CHLSN: variants seen among roughly 807,000 people sequenced by gnomAD.
The protein encoded by CHLSN is protein cholesin.
At chr7:1,064,318 G>A in the CHLSN span, among the ~76,000 whole-genome samples, 2 of 152,136 alleles carry the variant, frequency 1.3e-5, no homozygotes, top group African/African-American at 2.4e-5. Context: ...CCGGAAAGAC[G>A]CACGATGGCT....
the CHLSN span, among the ~76,000 whole-genome samples, chr7:1,062,204 G>A: frequency 3.9e-5 from 6 of 152,218 alleles, no homozygotes; most frequent in Admixed American, 3.3e-4. Context: ...TTTAGTTGTA[G>A]ATTCACTTCA....
the CHLSN span, chr7:1,087,012 G>C: frequency 6.6e-6 from 1 of 152,256 alleles, no homozygotes; most frequent in Admixed American, 6.5e-5. Flanking sequence ...GGGCTTGGGG[G>C]GCCTCGCTCT....
the CHLSN span, chr7:1,058,520 G>A: frequency 5.1e-5 from 40 of 776,928 alleles, no homozygotes; most frequent in East Asian, 3.6e-4. Flanking sequence ...TGGCGTAGGC[G>A]GCCCAGCCCT....
At chr7:1,095,057 G>GGCTC in the CHLSN span, among the ~76,000 whole-genome samples, 444 of 152,286 alleles carry the variant, frequency 2.9e-3, 7 homozygotes, top group Admixed American at 0.023. Context: ...CAGTCCTGCA[G>GGCTC]AACACCGTGC....
chr7:1,054,784 A>G, the CHLSN span, among the ~76,000 whole-genome samples: 1 of 152,176 alleles, frequency 6.6e-6, no homozygotes, highest in Non-Finnish European at 1.5e-5. Context: ...GGCCATGCCC[A>G]TGTCCCTTCT....
At chr7:1,053,321 C>T in the CHLSN span, among the ~76,000 whole-genome samples, 113 of 152,352 alleles carry the variant, frequency 7.4e-4, 2 homozygotes, top group Admixed American at 7.1e-3. Context: ...GGGGGAGGGG[C>T]GTCCACAGTA....
At chr7:1,128,697 G>GTGACGGTGAGATGAGCCGAGATGGCGC in the CHLSN span, among the ~76,000 whole-genome samples, 1 of 30,144 alleles carries the variant, frequency 3.3e-5, no homozygotes, top group Non-Finnish European at 5.7e-5. Context: ...CGTCACCCGG[G>GTGACGGTGAGATGAGCCGAGATGGCGC]CTGGAGTGCA....
the CHLSN span, among the ~76,000 whole-genome samples, chr7:1,065,638 C>G: frequency 4.5e-3 from 686 of 152,282 alleles, 8 homozygotes; most frequent in African/African-American, 0.015. Flanking sequence ...ACAGCGGCGA[C>G]GAGGGCCGGG....
chr7:1,080,978 G>A, the CHLSN span: 1 of 152,570 alleles, frequency 6.6e-6, no homozygotes, highest in African/African-American at 2.4e-5. Flanking sequence ...AGGGGGCCAG[G>A]TGGGAAGAAC....
the CHLSN span, among the ~76,000 whole-genome samples, chr7:1,117,648 G>C: frequency 7.5e-6 from 1 of 134,042 alleles, no homozygotes. Context: ...CAGCTCTACG[G>C]ACCGGCTTCC....
chr7:1,019,223 G>T, the CHLSN span, among the ~76,000 whole-genome samples: 1 of 114,920 alleles, frequency 8.7e-6, no homozygotes, highest in Non-Finnish European at 1.8e-5. Flanking sequence ...GGGGGGGGGG[G>T]AGTGAAAGGG....
At chr7:1,035,645 G>A in the CHLSN span, among the ~76,000 whole-genome samples, 3 of 152,196 alleles carry the variant, frequency 2.0e-5, no homozygotes, top group Non-Finnish European at 2.9e-5. Context: ...CACCAAATGC[G>A]GGTGAGGATG....
At chr7:1,053,000 T>C in the CHLSN span, among the ~76,000 whole-genome samples, 1 of 152,136 alleles carries the variant, frequency 6.6e-6, no homozygotes, top group African/African-American at 2.4e-5. The surrounding 1 kb of genome is among the most constrained non-coding windows in gnomAD (Gnocchi z 4.2). Flanking sequence ...GGCTCCCCGT[T>C]CCTCTTTCCC....
the CHLSN span, among the ~76,000 whole-genome samples, chr7:1,083,745 G>A: frequency 1.3e-5 from 2 of 152,122 alleles, no homozygotes; most frequent in Admixed American, 6.5e-5. Flanking sequence ...CACACCCACC[G>A]TTAACTGGGC....
the CHLSN span, chr7:1,023,017 G>A: frequency 4.7e-4 from 217 of 459,992 alleles, 1 homozygote; most frequent in South Asian, 3.1e-3. This position sits in a 1 kb window ranked among gnomAD's most constrained non-coding sequence, Gnocchi z 5.0. Flanking sequence ...CAGGGAGAGC[G>A]GCCGCCCCGC....
the CHLSN span, among the ~76,000 whole-genome samples, chr7:1,043,216 A>C: frequency 6.6e-6 from 1 of 152,110 alleles, no homozygotes. Context: ...ACATGACAGA[A>C]ACTCTGTCTT....
At chr7:1,018,115 C>A in the CHLSN span, among the ~76,000 whole-genome samples, 1 of 152,174 alleles carries the variant, frequency 6.6e-6, no homozygotes, top group Admixed American at 6.5e-5. Flanking sequence ...CATACCCCTG[C>A]CATCATCTCT....
the CHLSN span, among the ~76,000 whole-genome samples, chr7:1,100,753 C>T: frequency 6.6e-6 from 1 of 151,848 alleles, no homozygotes; most frequent in Non-Finnish European, 1.5e-5. Flanking sequence ...CCGGCCTCCA[C>T]AGGGGCTTCT....
At chr7:1,110,467 G>A in the CHLSN span, among the ~76,000 whole-genome samples, 1 of 152,226 alleles carries the variant, frequency 6.6e-6, no homozygotes, top group South Asian at 2.1e-4. Context: ...GGGCCCCTCA[G>A]TGCGAAGGCA....
Sources: gnomAD v4.1 joint callset for allele counts (sites outside exome capture counted in the v4.1 genomes callset) on GRCh38, gnomAD v4.1.1 for gene constraint, Gnocchi (gnomAD v3.1) non-coding constraint, MANE v1.5 for transcripts, NCBI Gene and HGNC (gene_info 2026-07-23, HGNC 2026-07-21) for gene names.